The following FNIP2 variants were observed in gnomAD, a reference collection of about 807,000 sequenced individuals.
FNIP2 encodes the protein folliculin-interacting protein 2.
In FNIP2, 32 loss-of-function variants were observed where a neutral mutation model predicts 108.7. The ratio of observed to expected loss-of-function variants is 0.29; its 90% CI spans 0.22 to 0.40. The LOEUF (loss-of-function observed/expected upper bound fraction) is 0.40, where lower values mean the gene tolerates loss of function less well. Ranked by LOEUF, FNIP2 falls within the 10% of genes least tolerant of loss-of-function variation. The pLI, the probability that FNIP2 is intolerant of heterozygous loss-of-function variation, is 1.00. For missense variants in FNIP2, 1,202 were observed against 1,381.6 expected (o/e 0.87, Z 2.06); for synonymous variants, 480 against 496.7 (o/e 0.97, Z 0.45).
chr4:158,883,443 G>A (rs181443383), intron 14 of FNIP2, among the ~76,000 whole-genome samples: 127 of 152,126 alleles, frequency 8.3e-4, no homozygotes, highest in Middle Eastern at 3.4e-3. Context: ...GGGTTTCACC[G>A]TGTTAGCCAG....
At chr4:158,791,266 CTTTTTTTTTTTTTTTTT>C (rs199714823) in intron 1 of FNIP2, among the ~76,000 whole-genome samples, 81 of 98,070 alleles carry the variant, frequency 8.3e-4, no homozygotes, top group East Asian at 4.0e-3. Flanking sequence ...ACTGAGGATC[CTTTTTTTTTTTTTTTTT>C]TTTTTTTTTT....
Position 158,870,330 on chromosome 4 carries a change from C to T in FNIP2, c.2810C>T (p.Thr937Ile). 1 of 1,613,814 alleles carries T rather than the reference C, an allele frequency of 6.2e-7. No individual in the cohort carries two copies. Among genetic ancestry groups the T allele is most frequent in the Non-Finnish European group, 8.5e-7 (1 of 1,179,684 alleles). ...TGTTTTAGGTCTCAGAGCATCAGCA[C>T]CCAGAATGTAAGGAACTTTGGCCGC... Reference protein sequence around the residue: ...LPLPRSQSISTQNVRNFGRSL... With the variant: ...LPLPRSQSISIQNVRNFGRSL... Residue 937 changes from threonine (T) to isoleucine (I), a missense_variant, in exon 14 of 17, where the codon ACC becomes ATC. Around this residue, in one of 5 missense-constraint regions of FNIP2, gnomAD observed 878 missense variants for 990.3 expected, o/e 0.89. Transcript: ENST00000264433.
intron 1 of FNIP2, among the ~76,000 whole-genome samples, chr4:158,787,801 C>T (rs967665492): frequency 5.3e-5 from 8 of 152,164 alleles, no homozygotes; most frequent in African/African-American, 1.9e-4. Context: ...AAATCAAGTC[C>T]AGCCTCTTTC....
At chr4:158,845,355 G>A (rs898235666) in intron 7 of FNIP2, among the ~76,000 whole-genome samples, 1 of 152,204 alleles carries the variant, frequency 6.6e-6, no homozygotes, top group Admixed American at 6.5e-5. Context: ...TCATGTAGAT[G>A]CTAGGCCGTA....
At chr4:158,831,749 G>C (rs780640724) in intron 3 of FNIP2, 112 bp from the exon 4 acceptor site, 131 of 709,810 alleles carry the variant, frequency 1.8e-4, no homozygotes, top group Non-Finnish European at 2.7e-4. Flanking sequence ...TTGAAGCTTT[G>C]AGAAATAGTT....
chr4:158,872,080 A>T, intron 14 of FNIP2: 1 of 985,258 alleles, frequency 1.0e-6, no homozygotes, highest in South Asian at 4.7e-5. Context: ...CCTTCCATGA[A>T]GCCCAGTGAG....
chr4:158,785,087 CTTTTTT>C (rs397805773), intron 1 of FNIP2, among the ~76,000 whole-genome samples: 1 of 123,202 alleles, frequency 8.1e-6, no homozygotes. Flanking sequence ...TAAAGTTCCT[CTTTTTT>C]TTTTTTTTTT....
chr4:158,859,477 G>A, intron 9 of FNIP2, 101 bp from the exon 10 acceptor site: 1 of 1,110,066 alleles, frequency 9.0e-7, no homozygotes, highest in Non-Finnish European at 1.3e-6. Context: ...ATTACCTTGA[G>A]TGTTGTTAAT....
chr4:158,848,796 G>A (rs915048882), intron 7 of FNIP2, among the ~76,000 whole-genome samples: 1 of 152,172 alleles, frequency 6.6e-6, no homozygotes, highest in Non-Finnish European at 1.5e-5. Context: ...AAAGAATCAA[G>A]CAGAAATTCT....
At chr4:158,807,381 T>C (rs960196436) in intron 1 of FNIP2, among the ~76,000 whole-genome samples, 2 of 152,124 alleles carry the variant, frequency 1.3e-5, no homozygotes, top group African/African-American at 4.8e-5. Flanking sequence ...CATGCAACTG[T>C]GGTGCCAGTT....
intron 16 of FNIP2, among the ~76,000 whole-genome samples, chr4:158,900,313 T>C (rs1729087996): frequency 6.6e-6 from 1 of 152,224 alleles, no homozygotes. Context: ...AGAATGTACA[T>C]TCTGTTGATT....
chr4:158,773,111 A>C (rs1775750510), intron 1 of FNIP2, among the ~76,000 whole-genome samples: 1 of 152,210 alleles, frequency 6.6e-6, no homozygotes, highest in South Asian at 2.1e-4. Context: ...TTGGAAAAAA[A>C]CAGTTTTGTT....
At chr4:158,806,945 T>C (rs961350439) in intron 1 of FNIP2, among the ~76,000 whole-genome samples, 21 of 152,314 alleles carry the variant, frequency 1.4e-4, no homozygotes, top group African/African-American at 5.1e-4. Flanking sequence ...ATTTTAATAA[T>C]GGAGCTTGTC....
rs1561270925 is a variant in FNIP2, at chr4:158,769,159, G to A, written c.-54G>A. On this transcript the variant is annotated 5_prime_UTR_variant, in exon 1 of 17. Coordinates refer to ENST00000264433, the MANE Select transcript of FNIP2 (RefSeq NM_020840.3). ...CACCGCGGCCGCCGCCCCCGGCTGC[G>A]CGCTGAGCCGCCGGCCCCCCGAGCG... 2 of 964,266 alleles carry A rather than the reference G, an allele frequency of 2.1e-6. No homozygotes were observed. The highest frequency in any genetic ancestry group is 1.3e-6 in the Non-Finnish European group (1 of 781,594). The allele number at this position is 964,266 out of a possible 1,614,324, so 59.7% of individuals were successfully genotyped here. A position where few individuals can be genotyped will look rare whatever the true frequency, so the allele number is the denominator to read the frequency against.
At chr4:158,886,080 C>T (rs901056797) in intron 14 of FNIP2, among the ~76,000 whole-genome samples, 1 of 152,190 alleles carries the variant, frequency 6.6e-6, no homozygotes, top group Non-Finnish European at 1.5e-5. Context: ...ATTAACCAGG[C>T]TGATCCTGTT....
chr4:158,864,466 A>G (rs1255910214), intron 12 of FNIP2, among the ~76,000 whole-genome samples: 1 of 152,232 alleles, frequency 6.6e-6, no homozygotes, highest in Non-Finnish European at 1.5e-5. Flanking sequence ...GGGGAATTCT[A>G]CAACATAGAC....
rs1159045863 is a variant in FNIP2, at chr4:158,839,301, G to T, written c.727+3825G>T. Among the ~76,000 whole-genome samples the T allele has an allele frequency of 2.0e-5, 3 of 152,072 alleles. 1 individual carries two copies. The highest frequency in any genetic ancestry group is 7.2e-5 in the African/African-American group (3 of 41,388). ...TTTGTTTAGTCATTATTCTACTATG[G>T]ACTCAAAGATATTTATTTTTCACTT... On this transcript the variant is annotated intron_variant, in intron 7 of 16. Coordinates refer to ENST00000264433, the MANE Select transcript of FNIP2 (RefSeq NM_020840.3).
At chr4:158,886,188 C>T (rs932489242) in intron 14 of FNIP2, among the ~76,000 whole-genome samples, 1 of 152,166 alleles carries the variant, frequency 6.6e-6, no homozygotes, top group Admixed American at 6.5e-5. Flanking sequence ...AAAATCTTCA[C>T]AGGAAAGTAG....
chr4:158,892,676 C>T (rs1256636289), intron 15 of FNIP2, among the ~76,000 whole-genome samples: 1 of 152,096 alleles, frequency 6.6e-6, no homozygotes, highest in Non-Finnish European at 1.5e-5. Context: ...CTGGGTAGAG[C>T]TTGGATGGGC....
Sources: gnomAD v4.1 joint callset for allele counts (sites outside exome capture counted in the v4.1 genomes callset) on GRCh38, gnomAD v4.1.1 for gene constraint, gnomAD v4.1.1 regional missense constraint, MANE v1.5 for transcripts, NCBI Gene and HGNC (gene_info 2026-07-23, HGNC 2026-07-21) for gene names.